The following CLHC1 variants were observed in gnomAD, a reference collection of about 807,000 sequenced individuals.
CLHC1 encodes clathrin heavy chain linker domain-containing protein 1.
In CLHC1, 72 loss-of-function variants were observed where a neutral mutation model predicts 69.5. The ratio of observed to expected loss-of-function variants is 1.04; its 90% CI spans 0.86 to 1.26. The LOEUF (loss-of-function observed/expected upper bound fraction) is 1.26, where lower values mean the gene tolerates loss of function less well. Ranked by LOEUF, CLHC1 falls within the 50% of genes most tolerant of loss-of-function variation. The probability of loss-of-function intolerance (pLI) is 0.00; values close to 1 mark genes in which losing one functional copy is unlikely to be tolerated. For missense variants in CLHC1, 790 were observed against 679.3 expected (o/e 1.16, Z -1.81); for synonymous variants, 223 against 224.3 (o/e 0.99, Z 0.05).
chr2:55,222,740 G>C (rs976430795), intron 2 of CLHC1, among the ~76,000 whole-genome samples: 4 of 151,546 alleles, frequency 2.6e-5, no homozygotes, highest in African/African-American at 9.7e-5. Context: ...GACCAACATG[G>C]AGAAACCCCG....
At chr2:55,195,612 G>C (rs1671338858) in intron 9 of CLHC1, among the ~76,000 whole-genome samples, 1 of 152,044 alleles carries the variant, frequency 6.6e-6, no homozygotes, top group South Asian at 2.1e-4. Flanking sequence ...GACCAGCCTG[G>C]CCAACATGGT....
At position 55,174,775 on chromosome 2, in the gene CLHC1, T is replaced by A. The variant is rs978182400; in HGVS notation, c.*1015A>T. The A allele has an allele frequency of 1.3e-5, 2 of 152,138 alleles. No homozygotes were observed. Among genetic ancestry groups the A allele is most frequent in the African/African-American group, 4.8e-5 (2 of 41,434 alleles). 9.4% of individuals were successfully genotyped at this position (152,138 alleles called of 1,614,324 possible). A position where few individuals can be genotyped will look rare whatever the true frequency, so the allele number is the denominator to read the frequency against. The stretch of plus-strand genomic sequence containing the variant: ...ATCATTTTCATTTTTTACTTGAAAT[T>A]TTTTTTTCTTTTTTTAATAACAGAG... On this transcript the variant is annotated 3_prime_UTR_variant, in exon 13 of 13. Coordinates refer to ENST00000401408, the MANE Select transcript of CLHC1 (RefSeq NM_152385.4).
rs986738525 is a variant in CLHC1, at chr2:55,180,534, G to A, written c.1360C>T (p.Gln454Ter). The stretch of plus-strand genomic sequence containing the variant: ...CCGGTAGTAAAGTCCTTCAACTGCT[G>A]TATGTACTCCATGACCCTATGAGTC... ...GQTHRVMEYI[Q>*]QLKDFTTDDL... The change falls in exon 11 of 13, where the codon CAG (glutamine) becomes TAG (stop). Residue 454 changes from glutamine to a stop codon, truncating the protein, a stop_gained. Transcript: ENST00000401408. LOFTEE classifies it high-confidence loss of function. 1.2e-6 allele frequency: 2 copies of A among 1,613,882 alleles called. No homozygotes were observed. The highest frequency in any genetic ancestry group is 2.2e-5 in the East Asian group (1 of 44,876).
In CLHC1 at chr2:55,180,613, G is replaced by A; in HGVS notation, c.1281C>T (p.Tyr427=). Residue 427 remains tyrosine, a synonymous_variant, in exon 11 of 13, where the codon TAC becomes TAT. Coordinates refer to ENST00000401408, the MANE Select transcript of CLHC1 (RefSeq NM_152385.4). Reference sequence around the variant, plus strand: ...CTTTCTTGTGCAGGCCACATTCACTGTAGACAATCTGAGCTAAAGCCAGGC... The same window carrying A: ...CTTTCTTGTGCAGGCCACATTCACTATAGACAATCTGAGCTAAAGCCAGGC... ...AKCLALAQIV[Y]SECGLHKKAI... The A allele has an allele frequency of 6.2e-7, 1 of 1,613,896 alleles. No individual in the cohort carries two copies. Among genetic ancestry groups the A allele is most frequent in the Non-Finnish European group, 8.5e-7 (1 of 1,179,794 alleles).
chr2:55,188,930 C>T (rs1670669909), intron 9 of CLHC1, among the ~76,000 whole-genome samples: 1 of 152,136 alleles, frequency 6.6e-6, no homozygotes, highest in African/African-American at 2.4e-5. Context: ...AGGATGTGAT[C>T]CAGCTGCCTA....
At chr2:55,227,305 G>A (rs938457067) in intron 2 of CLHC1, among the ~76,000 whole-genome samples, 6 of 151,740 alleles carry the variant, frequency 4.0e-5, no homozygotes, top group African/African-American at 7.3e-5. Context: ...CTAGGAATTC[G>A]GCAATAAGTA....
Position 55,173,834 on chromosome 2 carries a change from GTAA to G in CLHC1, c.*1953_*1955del, listed in dbSNP as rs1284055136. Among the ~76,000 whole-genome samples, 7 of 152,100 alleles carry G rather than the reference GTAA, an allele frequency of 4.6e-5. No homozygotes were observed. The highest frequency in any genetic ancestry group is 4.6e-4 in the Admixed American group (7 of 15,270). The stretch of plus-strand genomic sequence containing the variant: ...CAAAGGCAATGCTAACTGAGAAGGA[GTAA>G]TAATGAGAAAAGGAAAAACAAGGCA... On this transcript the variant is annotated 3_prime_UTR_variant, in exon 13 of 13. Transcript: ENST00000401408.
At chr2:55,184,227 T>A (rs1229378078) in intron 9 of CLHC1, among the ~76,000 whole-genome samples, 1 of 150,066 alleles carries the variant, frequency 6.7e-6, no homozygotes, top group Non-Finnish European at 1.5e-5. Flanking sequence ...CACTTCAGCC[T>A]CCTGGGTAGC....
rs181086632 is a variant in CLHC1 at position 55,210,636 on chromosome 2, C to T, written c.500-805G>A. 3.3e-5 allele frequency among the ~76,000 whole-genome samples: 5 copies of T among 152,310 alleles called. No homozygotes were observed. The East Asian group carries it at 5.8e-4, about 18-fold the overall frequency. On this transcript the variant is annotated intron_variant, in intron 5 of 12. Transcript: ENST00000401408. Reference sequence around the variant, plus strand: ...CGTAAATATCACTGTTACTCAGTAACGCCACGAGCTTCTGCCTAACAATTC... The same window carrying T: ...CGTAAATATCACTGTTACTCAGTAATGCCACGAGCTTCTGCCTAACAATTC...
rs905309290 is a variant in CLHC1, at chr2:55,175,890, A to G, written c.1661T>C (p.Leu554Ser). 1.2e-6 allele frequency: 2 copies of G among 1,614,004 alleles called. No homozygotes were observed. Among genetic ancestry groups the G allele is most frequent in the Admixed American group, 1.7e-5 (1 of 60,020 alleles). The stretch of plus-strand genomic sequence containing the variant: ...AAGAATAGACGTGATGTCATTAGAT[A>G]ATTTGTCAAAGCCATTCTGTGAACA... Reference protein sequence around the residue: ...NICSQNGFDKLSNDITSILRS... With the variant: ...NICSQNGFDKSSNDITSILRS... Residue 554 changes from leucine (L) to serine (S), a missense_variant, in exon 13 of 13, where the codon TTA becomes TCA. Coordinates refer to ENST00000401408, the MANE Select transcript of CLHC1 (RefSeq NM_152385.4).
chr2:55,175,948 A>T lies in CLHC1; in HGVS notation c.1603T>A (p.Ser535Thr). The T allele has an allele frequency of 3.7e-6, 6 of 1,614,038 alleles. No individual in the cohort carries two copies. The highest frequency in any genetic ancestry group is 5.1e-6 in the Non-Finnish European group (6 of 1,179,928). ...GCCACTTCTTGCCACTTTTCTATGG[A>T]GCAAAAGGAATCATTTATCATAAGA... ...ESLMINDSFCSIEKWQEVANI... is the reference protein window; with the variant it reads ...ESLMINDSFCTIEKWQEVANI... The change falls in exon 13 of 13, where the codon TCC (serine) becomes ACC (threonine). Residue 535 changes from serine (S) to threonine (T), a missense_variant. Coordinates refer to ENST00000401408, the MANE Select transcript of CLHC1 (RefSeq NM_152385.4).
intron 1 of CLHC1, among the ~76,000 whole-genome samples, chr2:55,229,952 A>G (rs1358953041): frequency 1.3e-5 from 2 of 152,226 alleles, no homozygotes; most frequent in Non-Finnish European, 2.9e-5. Context: ...GCATGCCTGT[A>G]ATCCCAGCTA....
intron 9 of CLHC1, among the ~76,000 whole-genome samples, chr2:55,190,809 T>A (rs1670855145): frequency 6.6e-6 from 1 of 152,052 alleles, no homozygotes; most frequent in Non-Finnish European, 1.5e-5. Flanking sequence ...CAGAAACATA[T>A]TTGAAAAATA....
At chr2:55,214,180 T>A (rs138318178) in intron 4 of CLHC1, among the ~76,000 whole-genome samples, 46 of 152,322 alleles carry the variant, frequency 3.0e-4, no homozygotes, top group African/African-American at 1.1e-3. Flanking sequence ...AGAATTTTTG[T>A]CAATACATAA....
chr2:55,219,406 C>T (rs937986125), intron 3 of CLHC1, among the ~76,000 whole-genome samples: 4 of 152,106 alleles, frequency 2.6e-5, no homozygotes, highest in Non-Finnish European at 5.9e-5. Context: ...TTTTGCTTAA[C>T]CAACAAAATA....
rs1446661553 is a variant in CLHC1, at chr2:55,232,253, A to C, written c.-286T>G. On this transcript the variant is annotated 5_prime_UTR_variant, in exon 1 of 13. Coordinates refer to ENST00000401408, the MANE Select transcript of CLHC1 (RefSeq NM_152385.4). ...GTCCTCACCTGAGTCCTTTTCTCCA[A>C]ACACCGACTTCAGTGCTTAGAGATA... 3 of 181,892 alleles carry C rather than the reference A, an allele frequency of 1.6e-5. No individual in the cohort carries two copies. Among genetic ancestry groups the C allele is most frequent in the Non-Finnish European group, 3.6e-5 (3 of 83,774 alleles). The allele number at this position is 181,892 out of a possible 1,614,324, so 11.3% of individuals were successfully genotyped here. A position where few individuals can be genotyped will look rare whatever the true frequency, so the allele number is the denominator to read the frequency against.
chr2:55,195,396 T>C (rs1394996110), intron 9 of CLHC1, among the ~76,000 whole-genome samples: 1 of 152,196 alleles, frequency 6.6e-6, no homozygotes, highest in African/African-American at 2.4e-5. Context: ...TGGAGAGATA[T>C]GCCATGCTAT....
intron 1 of CLHC1, among the ~76,000 whole-genome samples, chr2:55,230,049 GCAA>G (rs1333328794): frequency 6.6e-6 from 1 of 152,208 alleles, no homozygotes; most frequent in Non-Finnish European, 1.5e-5. Context: ...TCCAGCCTGG[GCAA>G]CAACAGCGAA....
Position 55,212,747 on chromosome 2 carries a change from T to A in CLHC1, c.425A>T (p.Gln142Leu). ...KIQSQIDHIK[Q>L]CRAEYDTKEV... ...TTTTGTGTCATACTCTGCCCTACACTGCTTGATGTGATCTATTTGAGATTG... is the reference window on the plus strand; with the variant it reads ...TTTTGTGTCATACTCTGCCCTACACAGCTTGATGTGATCTATTTGAGATTG... The change falls in exon 5 of 13, where the codon CAG (glutamine) becomes CTG (leucine). Residue 142 changes from glutamine to leucine, a missense_variant. Gln to Leu is a moderately radical substitution (Grantham distance 113). Coordinates refer to ENST00000401408, the MANE Select transcript of CLHC1 (RefSeq NM_152385.4). 6.3e-7 allele frequency: 1 copy of A among 1,597,676 alleles called. No homozygotes were observed. The highest frequency in any genetic ancestry group is 8.6e-7 in the Non-Finnish European group (1 of 1,165,024).
Sources: gnomAD v4.1 joint callset for allele counts (sites outside exome capture counted in the v4.1 genomes callset) on GRCh38, gnomAD v4.1.1 for gene constraint, MANE v1.5 for transcripts, NCBI Gene and HGNC (gene_info 2026-07-23, HGNC 2026-07-21) for gene names.